Variants in ENTREP1 observed in about 807,000 individuals in gnomAD.
ENTREP1 encodes the protein endosomal transmembrane epsin interactor 1, also known as Friedreich ataxia region gene X123.
At chr9:69,374,129 C>G in the ENTREP1 span, among the ~76,000 whole-genome samples, 2 of 152,122 alleles carry the variant, frequency 1.3e-5, no homozygotes, top group African/African-American at 4.8e-5. Flanking sequence ...GTTTTTGTGT[C>G]TGACTTATTT....
the ENTREP1 span, among the ~76,000 whole-genome samples, chr9:69,362,628 G>C: frequency 2.0e-5 from 3 of 152,172 alleles, no homozygotes; most frequent in Non-Finnish European, 4.4e-5. Flanking sequence ...GTGTCAACTT[G>C]ATTGGATTGA....
the ENTREP1 span, among the ~76,000 whole-genome samples, chr9:69,358,677 T>C: frequency 6.6e-6 from 1 of 152,190 alleles, no homozygotes; most frequent in African/African-American, 2.4e-5. Flanking sequence ...AAGTTCCTGC[T>C]TTCTTAGAAG....
chr9:69,346,509 A>G, the ENTREP1 span, among the ~76,000 whole-genome samples: 2 of 151,982 alleles, frequency 1.3e-5, no homozygotes, highest in African/African-American at 4.8e-5. Context: ...ACCCTCTTTT[A>G]TATAAGATAA....
chr9:69,382,961 G>C, the ENTREP1 span: 1 of 947,200 alleles, frequency 1.1e-6, no homozygotes, highest in African/African-American at 1.8e-5. Flanking sequence ...TTAAAACTTA[G>C]GTTCATCATT....
At chr9:69,361,930 C>T in the ENTREP1 span, among the ~76,000 whole-genome samples, 2 of 152,154 alleles carry the variant, frequency 1.3e-5, no homozygotes, top group Non-Finnish European at 2.9e-5. Context: ...TTCTCATGTT[C>T]TCTCTATCCT....
the ENTREP1 span, among the ~76,000 whole-genome samples, chr9:69,327,972 C>T: frequency 6.6e-6 from 1 of 152,180 alleles, no homozygotes; most frequent in Non-Finnish European, 1.5e-5. Flanking sequence ...CCATGACTCT[C>T]TTGGTGCTTT....
the ENTREP1 span, among the ~76,000 whole-genome samples, chr9:69,344,887 G>T: frequency 6.6e-6 from 1 of 152,146 alleles, no homozygotes; most frequent in African/African-American, 2.4e-5. Context: ...TGGATTCTGT[G>T]AGCTACCTGA....
the ENTREP1 span, among the ~76,000 whole-genome samples, chr9:69,378,988 A>G: frequency 3.3e-5 from 5 of 151,874 alleles, no homozygotes; most frequent in African/African-American, 1.2e-4. Flanking sequence ...AGGCAGTCAG[A>G]GATGGCTTCC....
chr9:69,363,887 C>T, the ENTREP1 span, among the ~76,000 whole-genome samples: 1 of 152,184 alleles, frequency 6.6e-6, no homozygotes, highest in Non-Finnish European at 1.5e-5. Context: ...ACAGGAGATG[C>T]CCCACACACA....
At chr9:69,328,387 C>T in the ENTREP1 span, among the ~76,000 whole-genome samples, 1 of 152,158 alleles carries the variant, frequency 6.6e-6, no homozygotes, top group Non-Finnish European at 1.5e-5. Flanking sequence ...CCATTCCCTT[C>T]AATTTTAAAT....
chr9:69,373,359 C>T, the ENTREP1 span, among the ~76,000 whole-genome samples: 2 of 152,186 alleles, frequency 1.3e-5, no homozygotes, highest in Non-Finnish European at 2.9e-5. Context: ...CTTTCCCACT[C>T]TGCCCATACC....
the ENTREP1 span, chr9:69,377,399 T>G: frequency 1.2e-6 from 2 of 1,614,042 alleles, no homozygotes; most frequent in Non-Finnish European, 1.7e-6. Flanking sequence ...GTGCCTTGAA[T>G]GCCCTGACCA....
the ENTREP1 span, among the ~76,000 whole-genome samples, chr9:69,336,844 G>A: frequency 3.1e-4 from 47 of 149,774 alleles, no homozygotes; most frequent in Admixed American, 2.7e-3. Context: ...GATTACAGGC[G>A]CCCGCCACTG....
the ENTREP1 span, among the ~76,000 whole-genome samples, chr9:69,336,043 A>C: frequency 6.9e-4 from 105 of 152,382 alleles, no homozygotes; most frequent in South Asian, 2.3e-3. Flanking sequence ...TAGAAGTAAA[A>C]GTCCAAAGTG....
chr9:69,377,507 GT>G, the ENTREP1 span: 1 of 1,608,370 alleles, frequency 6.2e-7, no homozygotes, highest in African/African-American at 1.3e-5. Flanking sequence ...TCATGGCCAC[GT>G]TTCCGCTGAG....
the ENTREP1 span, among the ~76,000 whole-genome samples, chr9:69,326,026 A>G: frequency 6.6e-6 from 1 of 152,130 alleles, no homozygotes; most frequent in Non-Finnish European, 1.5e-5. Flanking sequence ...GGGTGGCAGG[A>G]AAGTGGGAGG....
the ENTREP1 span, among the ~76,000 whole-genome samples, chr9:69,330,273 C>T: frequency 5.1e-4 from 78 of 152,294 alleles, no homozygotes; most frequent in Non-Finnish European, 9.4e-4. Context: ...TGGGTTGTCT[C>T]TCCTCCTTCA....
the ENTREP1 span, among the ~76,000 whole-genome samples, chr9:69,332,636 G>A: frequency 2.6e-5 from 4 of 152,072 alleles, no homozygotes; most frequent in Non-Finnish European, 5.9e-5. Context: ...TCTATAGTTT[G>A]TTGCTACCAT....
chr9:69,327,560 A>C, the ENTREP1 span, among the ~76,000 whole-genome samples: 1 of 152,184 alleles, frequency 6.6e-6, no homozygotes, highest in African/African-American at 2.4e-5. Context: ...ATTGTGAATC[A>C]TTTCAGAGGT....
Sources: gnomAD v4.1 joint callset for allele counts (sites outside exome capture counted in the v4.1 genomes callset) on GRCh38, gnomAD v4.1.1 for gene constraint, MANE v1.5 for transcripts, NCBI Gene and HGNC (gene_info 2026-07-23, HGNC 2026-07-21) for gene names.